MAP3K11: variants seen among roughly 807,000 people sequenced by gnomAD.
MAP3K11 encodes mitogen-activated protein kinase kinase kinase 11, also known as SH3 domain-containing proline-rich kinase.
Under a neutral mutation model 84.9 loss-of-function variants are expected in MAP3K11, and 46 were observed. The ratio of observed to expected loss-of-function variants is 0.54; its 90% CI spans 0.43 to 0.69. The LOEUF (loss-of-function observed/expected upper bound fraction) is 0.69, where lower values mean the gene tolerates loss of function less well. MAP3K11 is among the 30% of genes least tolerant of loss of function. MAP3K11 has a pLI of 0.00. For synonymous variants in MAP3K11, 527 were observed against 514.7 expected, an observed-to-expected ratio of 1.02 and a Z score of -0.32; for missense variants, 1,053 against 1,198.3, an observed-to-expected ratio of 0.88 and a Z score of 1.79.
At position 65,606,720 on chromosome 11, in the gene MAP3K11, G is replaced by A. The variant is rs1393909421; in HGVS notation, c.1574C>T (p.Pro525Leu). 6.2e-7 allele frequency: 1 copy of A among 1,602,324 alleles called. No homozygotes were observed. The change falls in exon 6 of 10, where the codon CCC (proline) becomes CTC (leucine). Residue 525 changes from proline to leucine, a missense_variant. Physicochemically the swap from Pro to Leu is moderately conservative, Grantham distance 98. Around this residue, in one of 3 missense-constraint regions of MAP3K11, gnomAD observed 583 missense variants for 566.6 expected, o/e 1.03. Transcript: ENST00000309100. ...NVFEVGPGDS[P>L]TFPRFRAIQL... is the part of the protein sequence containing the mutation. Reference sequence around the variant, plus strand: ...GATGGCTCGGAACCGGGGAAAGGTGGGCGAATCCCCAGGCCCGACCTCGAA... The same window carrying A: ...GATGGCTCGGAACCGGGGAAAGGTGAGCGAATCCCCAGGCCCGACCTCGAA...
In MAP3K11 at chr11:65,606,074, A is replaced by C. The variant is rs368245376; in HGVS notation, c.1611T>G (p.Pro537=). The change falls in exon 7 of 10, where the codon CCT becomes CCG. Residue 537 remains proline, a synonymous_variant. Coordinates refer to ENST00000309100, the MANE Select transcript of MAP3K11 (RefSeq NM_002419.4). ...GGCCCCATGCCTGGCCTGGCTCTGC[A>C]GGCTCCACTGCAGGGGAAACCGATG... The part of the protein sequence containing the change: ...FPRFRAIQLE[P]AEPGQAWGRQ... 1 of 1,575,544 alleles carries C rather than the reference A, an allele frequency of 6.3e-7. No homozygotes were observed. The highest frequency in any genetic ancestry group is 2.0e-5 in the Admixed American group (1 of 48,852).
At chr11:65,598,796 G>C (rs1271088546) in intron 9 of MAP3K11, among the ~76,000 whole-genome samples, 168 bp from the exon 10 acceptor site, 1 of 152,226 alleles carries the variant, frequency 6.6e-6, no homozygotes, top group Non-Finnish European at 1.5e-5. Context: ...GTAATAGTTA[G>C]GAGTGAGGCC....
chr11:65,606,032 A>C lies in MAP3K11; in HGVS notation c.1653T>G (p.Arg551=). 1 of 1,594,740 alleles carries C rather than the reference A, an allele frequency of 6.3e-7. No individual in the cohort carries two copies. The highest frequency in any genetic ancestry group is 8.5e-7 in the Non-Finnish European group (1 of 1,171,288). The change falls in exon 7 of 10, where the codon CGT becomes CGG. Residue 551 remains arginine, a synonymous_variant. Transcript: ENST00000309100. ...GCTCTCCATTGCTTGAGTCCTCCAG[A>C]CGTCGGGGGGACTGGCGGCCCCATG... ...GQAWGRQSPR[R]LEDSSNGERR... is the part of the protein sequence containing the mutation.
intron 8 of MAP3K11, among the ~76,000 whole-genome samples, chr11:65,600,845 C>T (rs762116269): frequency 8.5e-5 from 13 of 152,070 alleles, no homozygotes; most frequent in Non-Finnish European, 1.8e-4. Flanking sequence ...GGTTGGATGT[C>T]GGGAGGGAGA....
At chr11:65,600,843 G>A (rs1293989801) in intron 8 of MAP3K11, among the ~76,000 whole-genome samples, 1 of 152,136 alleles carries the variant, frequency 6.6e-6, no homozygotes, top group Non-Finnish European at 1.5e-5. Context: ...CAGGTTGGAT[G>A]TCGGGAGGGA....
intron 8 of MAP3K11, among the ~76,000 whole-genome samples, chr11:65,605,193 G>A (rs1429121929): frequency 1.3e-5 from 2 of 152,162 alleles, no homozygotes; most frequent in Non-Finnish European, 2.9e-5. Context: ...GCCTGGCACA[G>A]TAGGGCAGTT....
In MAP3K11 at chr11:65,599,560, C is replaced by A; in HGVS notation, c.2040G>T (p.Thr680=). Residue 680 remains threonine (T), a synonymous_variant, in exon 9 of 10, where the codon ACG becomes ACT. Transcript: ENST00000309100. ...ERGESPTTPP[T]PTPAPCPTEP... ...CGGTCGGGCAGGGCGCGGGCGTTGG[C>A]GTGGGGGGTGTTGTCGGGGACTCCC... 2.7e-6 allele frequency: 4 copies of A among 1,496,016 alleles called. No homozygotes were observed. Among genetic ancestry groups the A allele is most frequent in the Non-Finnish European group, 2.7e-6 (3 of 1,131,162 alleles). The allele number at this position is 1,496,016 out of a possible 1,614,324, so 92.7% of individuals were successfully genotyped here.
Position 65,599,556 on chromosome 11 carries a change from TTGGCGTGGGGGG to T in MAP3K11, c.2032_2043del (p.Pro678_Pro681del), listed in dbSNP as rs1854429220. The T allele has an allele frequency of 6.7e-7, 1 of 1,491,934 alleles. No homozygotes were observed. The highest frequency in any genetic ancestry group is 8.9e-7 in the Non-Finnish European group (1 of 1,128,880). 92.4% of individuals were successfully genotyped at this position (1,491,934 alleles called of 1,614,324 possible). ...GGCTCGGTCGGGCAGGGCGCGGGCG[TTGGCGTGGGGGG>T]TGTTGTCGGGGACTCCCCGCGCTCG... is the stretch of plus-strand genomic sequence containing the variant. On this transcript the variant is annotated inframe_deletion, in exon 9 of 10. Transcript: ENST00000309100.
At chr11:65,609,164 C>A (rs1328469285) in intron 1 of MAP3K11, 2 of 152,182 alleles carry the variant, frequency 1.3e-5, no homozygotes, top group African/African-American at 2.4e-5. Context: ...CAAGAGAGAT[C>A]TGTGAGTCTC....
chr11:65,607,130 G>A, intron 5 of MAP3K11, 140 bp downstream of exon 5: 3 of 1,190,310 alleles, frequency 2.5e-6, no homozygotes, highest in Non-Finnish European at 3.3e-6. Flanking sequence ...AAACACTCCT[G>A]GCTCCACCCC....
chr11:65,607,403 C>A lies in MAP3K11; in HGVS notation c.1356G>T (p.Val452=), dbSNP rs752232114. ...EHLLAQWELE[V]FERELTLLLQ... ...GCAGCAGCGTCAGCTCGCGCTCGAACACCTCTAGCTCCCACTGGGCCAGCA... is the reference window on the plus strand; with the variant it reads ...GCAGCAGCGTCAGCTCGCGCTCGAAAACCTCTAGCTCCCACTGGGCCAGCA... The change falls in exon 5 of 10, where the codon GTG becomes GTT. Residue 452 remains valine (V), a synonymous_variant. Coordinates refer to ENST00000309100, the MANE Select transcript of MAP3K11 (RefSeq NM_002419.4). The A allele has an allele frequency of 2.0e-6, 3 of 1,502,808 alleles. No homozygotes were observed. The highest frequency in any genetic ancestry group is 2.5e-5 in the South Asian group (2 of 79,032). 93.1% of individuals were successfully genotyped at this position (1,502,808 alleles called of 1,614,324 possible).
Position 65,607,345 on chromosome 11 carries a change from G to C in MAP3K11, c.1414C>G (p.Arg472Gly). The C allele has an allele frequency of 6.7e-7, 1 of 1,503,696 alleles. No homozygotes were observed. The highest frequency in any genetic ancestry group is 8.8e-7 in the Non-Finnish European group (1 of 1,135,284). The allele number at this position is 1,503,696 out of a possible 1,614,324, so 93.1% of individuals were successfully genotyped here. A position where few individuals can be genotyped will look rare whatever the true frequency, so the allele number is the denominator to read the frequency against. The change falls in exon 5 of 10, where the codon CGC (arginine) becomes GGC (glycine). Residue 472 changes from arginine to glycine, a missense_variant. Around this residue, in one of 3 missense-constraint regions of MAP3K11, gnomAD observed 583 missense variants for 566.6 expected, o/e 1.03. Transcript: ENST00000309100. ...QQVDRERPHV[R>G]RRRGTFKRSK... Reference sequence around the variant, plus strand: ...CGCTTGAATGTCCCGCGGCGGCGGCGCACGTGCGGTCGCTCGCGGTCCACC... The same window carrying C: ...CGCTTGAATGTCCCGCGGCGGCGGCCCACGTGCGGTCGCTCGCGGTCCACC...
At position 65,613,768 on chromosome 11, in the gene MAP3K11, G is replaced by A. The variant is rs751685701; in HGVS notation, c.-12C>T. 1.2e-5 allele frequency: 19 copies of A among 1,533,300 alleles called. No homozygotes were observed. The highest frequency in any genetic ancestry group is 2.5e-5 in the South Asian group (2 of 80,720). The allele number at this position is 1,533,300 out of a possible 1,614,324, so 95.0% of individuals were successfully genotyped here. ...TTCAAGGGCTCCATGGCCGGGAGCC[G>A]GCGCTGGGATGTGTGGAGGACCTTC... On this transcript the variant is annotated 5_prime_UTR_variant, in exon 1 of 10. Transcript: ENST00000309100.
At chr11:65,612,850 G>A (rs1010710398) in intron 1 of MAP3K11, 168 bp downstream of exon 1, 2 of 632,364 alleles carry the variant, frequency 3.2e-6, no homozygotes, top group Non-Finnish European at 4.7e-6. Flanking sequence ...TGGGTGCCTG[G>A]GGCTCTGTTT....
At chr11:65,602,202 CAAAA>C (rs34876918) in intron 8 of MAP3K11, among the ~76,000 whole-genome samples, 1 of 90,292 alleles carries the variant, frequency 1.1e-5, no homozygotes. Context: ...GACTCCATCT[CAAAA>C]AAAAAAAAAA....
At chr11:65,607,842 C>G in intron 3 of MAP3K11, 26 bp from the exon 4 acceptor site, 1 of 1,607,306 alleles carries the variant, frequency 6.2e-7, no homozygotes. Flanking sequence ...GCAGCGGGGA[C>G]AGAATAAGAA....
chr11:65,599,726 C>G lies in MAP3K11; in HGVS notation c.1874G>C (p.Arg625Thr), dbSNP rs753716966. ...GCTACCGCGCTCTGCGGGGACAGGC[C>G]TCTTGGGCTCCTCGGGCTCCAGGCT... ...RPSLEPEEPK[R>T]PVPAERGSSS... Residue 625 changes from arginine to threonine, a missense_variant, in exon 9 of 10, where the codon AGG becomes ACG. Transcript: ENST00000309100. The G allele has an allele frequency of 6.3e-7, 1 of 1,589,094 alleles. No individual in the cohort carries two copies. Among genetic ancestry groups the G allele is most frequent in the East Asian group, 2.3e-5 (1 of 44,422 alleles).
At position 65,599,483 on chromosome 11, in the gene MAP3K11, G is replaced by T. The variant is rs201727045; in HGVS notation, c.2117C>A (p.Pro706Gln). 1.3e-6 allele frequency: 2 copies of T among 1,502,706 alleles called. 1 individual carries two copies. The highest frequency in any genetic ancestry group is 2.6e-5 in the South Asian group (2 of 77,454). 93.1% of individuals were successfully genotyped at this position (1,502,706 alleles called of 1,614,324 possible). ...ICFSLKTPDS[P>Q]PTPAPLLLDL... ...CAGCAACAGGGGTGCAGGAGTGGGC[G>T]GGGAGTCGGGCGTCTTGAGCGAGAA... The change falls in exon 9 of 10, where the codon CCG (proline) becomes CAG (glutamine). Residue 706 changes from proline (P) to glutamine (Q), a missense_variant. Transcript: ENST00000309100.
rs1854524756 is a variant in MAP3K11 at position 65,607,466 on chromosome 11, C to T, written c.1293G>A (p.Gln431=). The T allele has an allele frequency of 6.4e-7, 1 of 1,556,934 alleles. No homozygotes were observed. The highest frequency in any genetic ancestry group is 1.2e-5 in the South Asian group (1 of 84,412). ...GCCGCAGCTGCTCCGCCTGTGACCG[C>T]TGCTCGCGCGCCGCTCGCGTCAGCT... is the stretch of plus-strand genomic sequence containing the variant. ...EEELTRAARE[Q]RSQAEQLRRR... is the part of the protein sequence containing the mutation. Residue 431 remains glutamine (Q), a synonymous_variant, in exon 5 of 10, where the codon CAG becomes CAA. Transcript: ENST00000309100.
Sources: gnomAD v4.1 joint callset for allele counts (sites outside exome capture counted in the v4.1 genomes callset) on GRCh38, gnomAD v4.1.1 for gene constraint, gnomAD v4.1.1 regional missense constraint, MANE v1.5 for transcripts, NCBI Gene and HGNC (gene_info 2026-07-23, HGNC 2026-07-21) for gene names.